The following DCC variants were observed in gnomAD, a reference collection of about 807,000 sequenced individuals.
The protein encoded by DCC is DCC netrin 1 receptor, also known as netrin receptor DCC.
A neutral mutation model predicts 172.5 loss-of-function variants in DCC; 58 were observed. The ratio of observed to expected loss-of-function variants is 0.34; its 90% CI spans 0.27 to 0.42. The LOEUF is 0.42. Ranked by LOEUF, DCC falls within the 10% of genes least tolerant of loss-of-function variation. The probability of loss-of-function intolerance (pLI) is 1.00; values close to 1 mark genes in which losing one functional copy is unlikely to be tolerated. For missense variants in DCC, 1,740 were observed against 1,791.0 expected, an observed-to-expected ratio of 0.97 and a Z score of 0.51; for synonymous variants, 709 against 644.5, an observed-to-expected ratio of 1.10 and a Z score of -1.52.
At chr18:53,270,500 A>G (rs2056736796) in intron 12 of DCC, among the ~76,000 whole-genome samples, 1 of 152,160 alleles carries the variant, frequency 6.6e-6, no homozygotes, top group South Asian at 2.1e-4. Flanking sequence ...CTCAACATTA[A>G]AATGACGGTT....
chr18:52,895,536 A>C (rs1466919543), intron 2 of DCC, among the ~76,000 whole-genome samples: 1 of 152,156 alleles, frequency 6.6e-6, no homozygotes, highest in Non-Finnish European at 1.5e-5. Context: ...TTTTAAAGAT[A>C]TGCTTGTTTT....
intron 5 of DCC, among the ~76,000 whole-genome samples, chr18:53,025,909 A>T (rs887926056): frequency 2.0e-5 from 3 of 151,938 alleles, no homozygotes; most frequent in Non-Finnish European, 4.4e-5. Flanking sequence ...TGTAAAATAA[A>T]TATAATTTAT....
At chr18:52,702,980 G>A (rs750640110) in intron 1 of DCC, among the ~76,000 whole-genome samples, 1 of 149,580 alleles carries the variant, frequency 6.7e-6, no homozygotes, top group Non-Finnish European at 1.5e-5. Context: ...TGAAAATCAA[G>A]GTTCTGAGTG....
intron 2 of DCC, among the ~76,000 whole-genome samples, chr18:52,864,004 A>G (rs1271047020): frequency 6.6e-6 from 1 of 152,172 alleles, no homozygotes; most frequent in Non-Finnish European, 1.5e-5. Context: ...ATTTACTTAA[A>G]TTATGAGTGG....
chr18:53,155,440 A>G (rs899071224), intron 7 of DCC, among the ~76,000 whole-genome samples: 2 of 152,230 alleles, frequency 1.3e-5, no homozygotes, highest in South Asian at 2.1e-4. Context: ...ACTTTAACAA[A>G]CATAAAGAAA....
At chr18:53,437,995 A>G (rs1382930866) in intron 22 of DCC, among the ~76,000 whole-genome samples, 3 of 152,176 alleles carry the variant, frequency 2.0e-5, no homozygotes, top group African/African-American at 7.2e-5. Flanking sequence ...CAGGGTAAAA[A>G]AAGGAAGTTG....
chr18:52,904,971 G>T (rs562586395), intron 2 of DCC, among the ~76,000 whole-genome samples: 38 of 152,226 alleles, frequency 2.5e-4, no homozygotes, highest in African/African-American at 8.9e-4. Flanking sequence ...AAAAACACAA[G>T]AATTTCATGG....
intron 1 of DCC, among the ~76,000 whole-genome samples, chr18:52,537,672 T>C (rs1490982980): frequency 6.6e-6 from 1 of 152,070 alleles, no homozygotes; most frequent in African/African-American, 2.4e-5. Flanking sequence ...TGACGACGAA[T>C]GAAAGGAAAT....
intron 5 of DCC, among the ~76,000 whole-genome samples, chr18:52,961,707 A>G (rs925868465): frequency 4.6e-5 from 7 of 152,216 alleles, no homozygotes; most frequent in African/African-American, 1.4e-4. Flanking sequence ...ACTTCAAACT[A>G]TACTACAAGG....
At chr18:53,052,403 C>A (rs2144042193) in intron 5 of DCC, among the ~76,000 whole-genome samples, 1 of 152,094 alleles carries the variant, frequency 6.6e-6, no homozygotes, top group Non-Finnish European at 1.5e-5. Context: ...CCCATCCCCC[C>A]TTTTTCTTTC....
intron 2 of DCC, among the ~76,000 whole-genome samples, chr18:52,853,373 A>G (rs1056354507): frequency 6.6e-6 from 1 of 152,238 alleles, no homozygotes; most frequent in Admixed American, 6.5e-5. Flanking sequence ...AGGAGGCAAC[A>G]TTAGTTTCTG....
At chr18:52,975,464 T>C (rs372900434) in intron 5 of DCC, among the ~76,000 whole-genome samples, 3 of 152,156 alleles carry the variant, frequency 2.0e-5, no homozygotes, top group East Asian at 1.9e-4. Flanking sequence ...TCACAGCTAT[T>C]AAGACTGATA....
chr18:52,634,455 G>A (rs1376255924), intron 1 of DCC, among the ~76,000 whole-genome samples: 1 of 152,112 alleles, frequency 6.6e-6, no homozygotes. Context: ...AAATAATCCT[G>A]GGGAGCATAC....
At chr18:53,242,543 G>A (rs769113088) in intron 12 of DCC, among the ~76,000 whole-genome samples, 6 of 152,128 alleles carry the variant, frequency 3.9e-5, no homozygotes, top group Non-Finnish European at 5.9e-5. Flanking sequence ...TCATGATAAG[G>A]TAAGGCCATT....
intron 5 of DCC, among the ~76,000 whole-genome samples, chr18:53,022,557 G>C (rs2041896837): frequency 6.6e-6 from 1 of 151,818 alleles, no homozygotes; most frequent in Non-Finnish European, 1.5e-5. Flanking sequence ...GTGTGTGTGT[G>C]TGTGTGTGTG....
At chr18:52,913,761 T>C (rs1377140715) in intron 3 of DCC, among the ~76,000 whole-genome samples, 1 of 151,936 alleles carries the variant, frequency 6.6e-6, no homozygotes, top group African/African-American at 2.4e-5. Flanking sequence ...CCTAGGTGGG[T>C]CATCTTAAGG....
chr18:52,847,512 T>G (rs1366363694), intron 2 of DCC, among the ~76,000 whole-genome samples: 1 of 152,152 alleles, frequency 6.6e-6, no homozygotes, highest in Non-Finnish European at 1.5e-5. Context: ...ATTAAGTTAC[T>G]CAGTTGGAAA....
intron 2 of DCC, among the ~76,000 whole-genome samples, chr18:52,777,284 G>A (rs1311719612): frequency 1.4e-5 from 2 of 141,762 alleles, no homozygotes; most frequent in African/African-American, 2.6e-5. Context: ...AAATCAAAGT[G>A]TCAGGAGGGA....
At chr18:53,505,018 T>TC (rs1364323764) in intron 27 of DCC, among the ~76,000 whole-genome samples, 6 of 152,054 alleles carry the variant, frequency 3.9e-5, no homozygotes, top group South Asian at 4.2e-4. Context: ...AGTGACTTTT[T>TC]CCCCCCCTAA....
Sources: allele counts gnomAD v4.1 joint callset (sites outside exome capture counted in the v4.1 genomes callset), GRCh38; gene constraint gnomAD v4.1.1; transcripts MANE v1.5; gene names NCBI Gene and HGNC (gene_info 2026-07-23, HGNC 2026-07-21).